Variants in DPH6 observed in about 807,000 individuals in gnomAD.
The protein encoded by DPH6 is diphthine--ammonia ligase.
Under a neutral mutation model 38.2 loss-of-function variants are expected in DPH6, and 33 were observed. That is an observed-to-expected ratio of 0.86 (90% CI 0.65 to 1.15). DPH6 has a LOEUF of 1.15. DPH6 is among the 50% of genes most tolerant of loss of function. The pLI is 0.00. For missense variants in DPH6, 325 were observed against 320.0 expected (o/e 1.02, Z -0.12); for synonymous variants, 108 against 103.0 (o/e 1.05, Z -0.30).
intron 1 of DPH6, among the ~76,000 whole-genome samples, chr15:35,542,826 G>C (rs1162928428): frequency 6.9e-6 from 1 of 144,442 alleles, no homozygotes; most frequent in Non-Finnish European, 1.5e-5. Context: ...TTACATCCCA[G>C]CTAAACATTT....
At chr15:35,396,731 C>G (rs1198459453) in intron 6 of DPH6, among the ~76,000 whole-genome samples, 2 of 152,026 alleles carry the variant, frequency 1.3e-5, no homozygotes, top group Non-Finnish European at 2.9e-5. Flanking sequence ...ATACAAAGTT[C>G]TATATATCCT....
At chr15:35,161,226 T>C in the DPH6 span, among the ~76,000 whole-genome samples, 1 of 152,012 alleles carries the variant, frequency 6.6e-6, no homozygotes, top group East Asian at 1.9e-4. Context: ...TCTGCTAGTA[T>C]TCTTGTTGCC....
the DPH6 span, among the ~76,000 whole-genome samples, chr15:35,196,793 T>C: frequency 3.2e-4 from 49 of 152,308 alleles, no homozygotes; most frequent in African/African-American, 1.1e-3. Context: ...GACTTTAATT[T>C]ATAACTCCAA....
chr15:35,235,797 T>C (rs576909902), intron 3 of DPH6, among the ~76,000 whole-genome samples: 19 of 152,338 alleles, frequency 1.2e-4, no homozygotes, highest in African/African-American at 4.3e-4. Flanking sequence ...TTTCTCACAG[T>C]GTGCTATATA....
the DPH6 span, among the ~76,000 whole-genome samples, chr15:35,177,793 T>C: frequency 6.6e-6 from 1 of 151,770 alleles, no homozygotes; most frequent in Non-Finnish European, 1.5e-5. Flanking sequence ...ATACAAAAAA[T>C]TAGCTGGACA....
chr15:35,179,513 C>T, the DPH6 span, among the ~76,000 whole-genome samples: 217 of 152,122 alleles, frequency 1.4e-3, 3 homozygotes, highest in Middle Eastern at 0.02. Flanking sequence ...AGAACATTTA[C>T]TTGTAAGGAA....
At chr15:35,365,739 A>G in intron 3 of DPH6, 14 of 977,070 alleles carry the variant, frequency 1.4e-5, no homozygotes, top group Non-Finnish European at 1.7e-5. Context: ...TGCTACTACC[A>G]AAGTCCATTT....
At chr15:35,434,166 C>T (rs963140261) in intron 5 of DPH6, among the ~76,000 whole-genome samples, 3 of 152,112 alleles carry the variant, frequency 2.0e-5, no homozygotes, top group African/African-American at 2.4e-5. Context: ...AAAGGTCAGT[C>T]GTTTCTATCT....
chr15:35,274,732 T>G (rs546282759), intron 3 of DPH6, among the ~76,000 whole-genome samples: 1 of 152,066 alleles, frequency 6.6e-6, no homozygotes, highest in South Asian at 2.1e-4. Flanking sequence ...TATTAACAAG[T>G]CAGGAAACAA....
chr15:35,211,880 G>A, the DPH6 span, among the ~76,000 whole-genome samples: 2 of 152,186 alleles, frequency 1.3e-5, no homozygotes, highest in Non-Finnish European at 2.9e-5. Context: ...AATGTTCCAG[G>A]GATTACCTGC....
At chr15:35,475,292 T>G (rs911777320) in intron 3 of DPH6, among the ~76,000 whole-genome samples, 1 of 152,054 alleles carries the variant, frequency 6.6e-6, no homozygotes, top group African/African-American at 2.4e-5. Context: ...AATAGTCACA[T>G]ATCAACTGTA....
rs545268168 is a variant in DPH6, at chr15:35,524,984, G to A, written c.312+13290C>T. On this transcript the variant is annotated intron_variant, in intron 3 of 8. Coordinates refer to ENST00000256538, the MANE Select transcript of DPH6 (RefSeq NM_080650.4). ...AAAAATCCTTCACATCATCTCTGGAGGAAATACACAACAAAAAAATTTGAA... is the reference window on the plus strand; with the variant it reads ...AAAAATCCTTCACATCATCTCTGGAAGAAATACACAACAAAAAAATTTGAA... 2.0e-4 allele frequency among the ~76,000 whole-genome samples: 30 copies of A among 152,188 alleles called. No homozygotes were observed. In the Middle Eastern group the frequency reaches 0.01, roughly 52 times the overall value.
chr15:35,413,653 AT>A (rs1245090376), intron 5 of DPH6, among the ~76,000 whole-genome samples: 1 of 151,384 alleles, frequency 6.6e-6, no homozygotes, highest in African/African-American at 2.4e-5. Context: ...TTGTTCTCAA[AT>A]TTTTTGTATT....
intron 3 of DPH6, among the ~76,000 whole-genome samples, chr15:35,335,280 T>C (rs2052361405): frequency 6.6e-6 from 1 of 152,216 alleles, no homozygotes; most frequent in Non-Finnish European, 1.5e-5. Flanking sequence ...CCTTGTAGAC[T>C]CTGTATATTA....
chr15:35,331,252 A>T (rs1226478037), intron 3 of DPH6, among the ~76,000 whole-genome samples: 1 of 152,228 alleles, frequency 6.6e-6, no homozygotes, highest in Admixed American at 6.5e-5. Flanking sequence ...CTGGGTTTTA[A>T]TAAGTGAATT....
intron 3 of DPH6, among the ~76,000 whole-genome samples, chr15:35,231,509 C>CT (rs1318094374): frequency 6.6e-6 from 1 of 152,108 alleles, no homozygotes; most frequent in East Asian, 1.9e-4. Context: ...TACAAAGGTG[C>CT]TTTTTTTGTG....
At chr15:35,491,942 G>T (rs1237696556) in intron 3 of DPH6, among the ~76,000 whole-genome samples, 1 of 151,910 alleles carries the variant, frequency 6.6e-6, no homozygotes, top group Non-Finnish European at 1.5e-5. Context: ...AAGAGACAGA[G>T]AGAGAGAGGA....
At chr15:35,277,346 G>C (rs374768568) in intron 3 of DPH6, among the ~76,000 whole-genome samples, 35 of 152,128 alleles carry the variant, frequency 2.3e-4, no homozygotes, top group African/African-American at 8.4e-4. Context: ...GGTTTTCTAG[G>C]TATACAATCA....
chr15:35,209,274 A>G, the DPH6 span, among the ~76,000 whole-genome samples: 1 of 152,164 alleles, frequency 6.6e-6, no homozygotes, highest in Non-Finnish European at 1.5e-5. Flanking sequence ...TCAACAAAGA[A>G]CAGATTCTTG....
Sources: allele counts gnomAD v4.1 joint callset (sites outside exome capture counted in the v4.1 genomes callset), GRCh38; gene constraint gnomAD v4.1.1; transcripts MANE v1.5; gene names NCBI Gene and HGNC (gene_info 2026-07-23, HGNC 2026-07-21).